Variants in ITIH1 observed in about 807,000 individuals in gnomAD.
The protein encoded by ITIH1 is inter-alpha-trypsin inhibitor heavy chain 1.
In ITIH1, 94 loss-of-function variants were observed where a neutral mutation model predicts 104.6. That is an observed-to-expected ratio of 0.90 (90% CI 0.76 to 1.07). The LOEUF is 1.07. Among genes scored for constraint, ITIH1 ranks in the 50% least tolerant of loss-of-function variants. ITIH1 has a pLI of 0.00. For missense variants in ITIH1, 1,193 were observed against 1,181.4 expected (o/e 1.01, Z -0.14); for synonymous variants, 455 against 464.4 (o/e 0.98, Z 0.26).
rs1194094409 is a variant in ITIH1 at position 52,785,043 on chromosome 3, G to C, written c.1408-1G>C. 6.2e-7 allele frequency: 1 copy of C among 1,613,784 alleles called. No individual in the cohort carries two copies. Among genetic ancestry groups the C allele is most frequent in the African/African-American group, 1.3e-5 (1 of 74,904 alleles). On this transcript the variant is annotated splice_acceptor_variant, in intron 11 of 21. Coordinates refer to ENST00000273283, the MANE Select transcript of ITIH1 (RefSeq NM_002215.4). LOFTEE classifies it high-confidence loss of function. ...TAAGGCTGCAACCTCTATCCCTGCAGGGTTTCTACAGCCAGGTAGCCAAAC... is the reference window on the plus strand; with the variant it reads ...TAAGGCTGCAACCTCTATCCCTGCACGGTTTCTACAGCCAGGTAGCCAAAC...
chr3:52,783,998 C>T (rs903272493), intron 10 of ITIH1, among the ~76,000 whole-genome samples: 1 of 152,060 alleles, frequency 6.6e-6, no homozygotes, highest in Non-Finnish European at 1.5e-5. Flanking sequence ...GTAAAACAAG[C>T]GTGGGAAGGT....
rs1322732467 is a variant in ITIH1 at position 52,790,799 on chromosome 3, A to G, written c.2372A>G (p.Asp791Gly). The change falls in exon 20 of 22, where the codon GAC becomes GGC. Residue 791 changes from aspartate (D) to glycine (G), a missense_variant. By Grantham distance (94) the Asp-to-Gly change is moderately conservative. Coordinates refer to ENST00000273283, the MANE Select transcript of ITIH1 (RefSeq NM_002215.4). The stretch of plus-strand genomic sequence containing the variant: ...AGGAACCTGGTGGTGTCTGTGGACG[A>G]CGGTGGCACCTTTGAGGTTGTTTTG... ...KKRNLVVSVDDGGTFEVVLHR... is the reference protein window; with the variant it reads ...KKRNLVVSVDGGGTFEVVLHR... 1 of 1,613,006 alleles carries G rather than the reference A, an allele frequency of 6.2e-7. No homozygotes were observed. Among genetic ancestry groups the G allele is most frequent in the Non-Finnish European group, 8.5e-7 (1 of 1,179,602 alleles).
At chr3:52,787,564 T>C (rs753094030) in intron 15 of ITIH1, 28 bp from the exon 16 acceptor site, 2 of 1,614,046 alleles carry the variant, frequency 1.2e-6, no homozygotes, top group South Asian at 1.1e-5. Flanking sequence ...TGACACTGTC[T>C]TCGATAATAT....
At chr3:52,787,896 C>T in intron 16 of ITIH1, 90 bp from the exon 17 acceptor site, 1 of 1,315,500 alleles carries the variant, frequency 7.6e-7, no homozygotes, top group Admixed American at 1.7e-5. Flanking sequence ...AGGCCAGCCC[C>T]ACCAGTGAGG....
intron 15 of ITIH1, 67 bp from the exon 16 acceptor site, chr3:52,787,525 T>G: frequency 3.1e-6 from 5 of 1,587,706 alleles, no homozygotes; most frequent in Admixed American, 3.3e-5. Flanking sequence ...TGGACAGAGC[T>G]GCATGCCTTT....
At chr3:52,790,627 G>A in intron 19 of ITIH1, 122 bp from the exon 20 acceptor site, 2 of 950,546 alleles carry the variant, frequency 2.1e-6, no homozygotes, top group Non-Finnish European at 3.3e-6. Context: ...CCGGCCATCT[G>A]GGGATGAAGG....
At chr3:52,786,184 T>C in intron 12 of ITIH1, 111 bp from the exon 13 acceptor site, 1 of 1,064,104 alleles carries the variant, frequency 9.4e-7, no homozygotes, top group Non-Finnish European at 1.4e-6. Flanking sequence ...CAGGTGATGC[T>C]GAGGACGAAG....
intron 3 of ITIH1, 43 bp downstream of exon 3, chr3:52,778,549 G>A (rs199680369): frequency 3.3e-4 from 523 of 1,608,668 alleles, no homozygotes; most frequent in Admixed American, 5.5e-4. Context: ...CAGGGGTGCC[G>A]CTTACTAGTC....
Position 52,781,203 on chromosome 3 carries a change from TTTTTTTTCTTCTTC to T in ITIH1, c.688-734_688-721del, listed in dbSNP as rs1323453220. 1.1e-3 allele frequency among the ~76,000 whole-genome samples: 136 copies of T among 122,730 alleles called. 5 individuals are homozygous for T. The highest frequency in any genetic ancestry group is 4.6e-3 in the African/African-American group (126 of 27,428). 80.5% of individuals were successfully genotyped at this position (122,730 alleles called of 152,430 possible). A position where few individuals can be genotyped will look rare whatever the true frequency, so the allele number is the denominator to read the frequency against. ...TCCTTCACCTCCTCCTCTTCTTTTT[TTTTTTTTCTTCTTC>T]TTCTTCTTCTTCTTCTTCTTCTTCT... On this transcript the variant is annotated intron_variant, in intron 6 of 21. Coordinates refer to ENST00000273283, the MANE Select transcript of ITIH1 (RefSeq NM_002215.4).
At chr3:52,791,650 C>T in intron 21 of ITIH1, 22 bp downstream of exon 21, 5 of 1,611,700 alleles carry the variant, frequency 3.1e-6, no homozygotes, top group Non-Finnish European at 4.2e-6. Flanking sequence ...GCTTGCCCAG[C>T]ACGTCTGCCC....
chr3:52,790,205 G>A (rs934624762), intron 19 of ITIH1: 2 of 364,954 alleles, frequency 5.5e-6, no homozygotes, highest in Non-Finnish European at 1.0e-5. Context: ...GATTTCTCTG[G>A]GCTTCTCATT....
intron 6 of ITIH1, among the ~76,000 whole-genome samples, chr3:52,781,582 T>C (rs551027483): frequency 1.7e-4 from 26 of 152,302 alleles, no homozygotes; most frequent in African/African-American, 6.3e-4. Flanking sequence ...TTTGTCAACC[T>C]GGGCAGCTTT....
chr3:52,781,983 G>GC lies in ITIH1; in HGVS notation c.735dup (p.Thr246HisfsTer30), dbSNP rs1699070522. On this transcript the variant is annotated frameshift_variant, in exon 7 of 22. Coordinates refer to ENST00000273283, the MANE Select transcript of ITIH1 (RefSeq NM_002215.4). LOFTEE classifies it high-confidence loss of function. ...CCCACCGTGAGCCAGCAGCAGTCCT[G>GC]CCCCACATGCTCTACATCCTTACTG... 3 of 1,614,156 alleles carry GC rather than the reference G, an allele frequency of 1.9e-6. No individual in the cohort carries two copies. Among genetic ancestry groups the GC allele is most frequent in the Admixed American group, 1.7e-5 (1 of 60,022 alleles).
intron 20 of ITIH1, 28 bp from the exon 21 acceptor site, chr3:52,791,489 A>T: frequency 6.3e-7 from 1 of 1,576,044 alleles, no homozygotes; most frequent in Non-Finnish European, 8.7e-7. Flanking sequence ...CCGAGATGGT[A>T]ACCGCTGTCT....
intron 5 of ITIH1, chr3:52,780,054 T>C (rs964367427): frequency 2.6e-6 from 3 of 1,144,230 alleles, no homozygotes; most frequent in Non-Finnish European, 3.6e-6. Context: ...CTGCACACAG[T>C]AGGTGGCCAG....
chr3:52,788,801 T>C (rs545708323), intron 18 of ITIH1, among the ~76,000 whole-genome samples: 1 of 152,298 alleles, frequency 6.6e-6, no homozygotes, highest in South Asian at 2.1e-4. Flanking sequence ...CCTCAGGTGA[T>C]CCGTCCACCT....
At chr3:52,782,696 C>G (rs1381406691) in intron 8 of ITIH1, among the ~76,000 whole-genome samples, 1 of 152,090 alleles carries the variant, frequency 6.6e-6, no homozygotes, top group Non-Finnish European at 1.5e-5. Context: ...AAGCACAGCT[C>G]CTGGGGTCCT....
intron 2 of ITIH1, 134 bp from the exon 3 acceptor site, chr3:52,778,206 G>C (rs1199612499): frequency 4.5e-6 from 5 of 1,103,814 alleles, no homozygotes; most frequent in Non-Finnish European, 6.8e-6. Flanking sequence ...GAGAGCAGGG[G>C]TCTTCCTGCG....
At chr3:52,780,997 A>G (rs78306084) in intron 6 of ITIH1, among the ~76,000 whole-genome samples, 118 of 152,334 alleles carry the variant, frequency 7.7e-4, no homozygotes, top group African/African-American at 2.6e-3. Flanking sequence ...ACCACAATTC[A>G]TTTAAAAGAA....
Sources: allele counts gnomAD v4.1 joint callset (sites outside exome capture counted in the v4.1 genomes callset), GRCh38; gene constraint gnomAD v4.1.1; transcripts MANE v1.5; gene names NCBI Gene and HGNC (gene_info 2026-07-23, HGNC 2026-07-21).